The following STARD10 variants were observed in gnomAD, a reference collection of about 807,000 sequenced individuals.
The protein encoded by STARD10 is START domain-containing protein 10.
Under a neutral mutation model 36.0 loss-of-function variants are expected in STARD10, and 24 were observed. The observed-to-expected ratio is 0.67, with a 90% CI of 0.48 to 0.94. The LOEUF is 0.94. Among genes scored for constraint, STARD10 ranks in the 40% least tolerant of loss-of-function variants. The pLI, the probability that STARD10 is intolerant of heterozygous loss-of-function variation, is 0.00. For missense variants in STARD10, 335 were observed against 396.6 expected (o/e 0.84, Z 1.32); for synonymous variants, 156 against 161.9 (o/e 0.96, Z 0.28).
intron 1 of STARD10, among the ~76,000 whole-genome samples, chr11:72,792,173 C>T (rs1859153975): frequency 6.6e-6 from 1 of 151,732 alleles, no homozygotes; most frequent in South Asian, 2.1e-4. Context: ...CCCCAGCCTC[C>T]CGAGTAGCTG....
At chr11:72,755,908 C>T (rs1486378680) in intron 5 of STARD10, 155 bp from the exon 6 acceptor site, 2 of 628,280 alleles carry the variant, frequency 3.2e-6, no homozygotes, top group Non-Finnish European at 5.5e-6. Flanking sequence ...TTTACCCTCA[C>T]TCCCTTCCAC....
chr11:72,761,811 C>T (rs1041519910), intron 2 of STARD10, among the ~76,000 whole-genome samples: 68 of 151,304 alleles, frequency 4.5e-4, no homozygotes, highest in African/African-American at 1.6e-3. Context: ...ATAGAGGAAG[C>T]TCAGGAAGCA....
intron 5 of STARD10, 51 bp from the exon 6 acceptor site, chr11:72,755,804 C>T: frequency 6.5e-7 from 1 of 1,537,880 alleles, no homozygotes. Context: ...AGCCCCTCCG[C>T]CCCTGACAAA....
intron 2 of STARD10, among the ~76,000 whole-genome samples, chr11:72,774,238 G>A (rs1013393597): frequency 6.6e-6 from 1 of 152,238 alleles, no homozygotes; most frequent in African/African-American, 2.4e-5. Flanking sequence ...GGCAGCAGGA[G>A]GCAGTATATA....
intron 1 of STARD10, among the ~76,000 whole-genome samples, chr11:72,791,471 G>A (rs1212525311): frequency 6.6e-6 from 1 of 152,094 alleles, no homozygotes; most frequent in South Asian, 2.1e-4. Context: ...TTGGGAGGCC[G>A]CGAATGGATC....
At chr11:72,775,621 C>T (rs555655470) in intron 2 of STARD10, among the ~76,000 whole-genome samples, 1 of 152,162 alleles carries the variant, frequency 6.6e-6, no homozygotes, top group African/African-American at 2.4e-5. Flanking sequence ...TCCCTGACCC[C>T]CAAGGCTGAT....
chr11:72,789,969 C>T (rs1408666934), intron 1 of STARD10, among the ~76,000 whole-genome samples: 6 of 152,180 alleles, frequency 3.9e-5, no homozygotes, highest in Admixed American at 2.0e-4. Flanking sequence ...TGCTTTGCTC[C>T]CCTCCTCCAG....
At chr11:72,783,056 G>A (rs1859025341) in intron 1 of STARD10, among the ~76,000 whole-genome samples, 1 of 152,138 alleles carries the variant, frequency 6.6e-6, no homozygotes, top group African/African-American at 2.4e-5. Context: ...AGCCTCACCA[G>A]CCTAGAGCTC....
rs1041347984 is a variant in STARD10 at position 72,759,291 on chromosome 11, T to C, written c.298A>G (p.Ile100Val). The C allele has an allele frequency of 6.8e-6, 11 of 1,614,082 alleles. No individual in the cohort carries two copies. Among genetic ancestry groups the C allele is most frequent in the Non-Finnish European group, 9.3e-6 (11 of 1,180,012 alleles). Residue 100 changes from isoleucine to valine, a missense_variant, in exon 3 of 7, where the codon ATT becomes GTT. Ile to Val is a conservative substitution (Grantham distance 29). Transcript: ENST00000334805. ...AAGCGGGCGATGTCAAAAGTCTCAA[T>C]GACGTTGCTGTCCCATTTCTTGCGG... ...EYRKKWDSNVIETFDIARLTV... is the reference protein window; with the variant it reads ...EYRKKWDSNVVETFDIARLTV...
At chr11:72,761,169 A>G (rs1279691508) in intron 2 of STARD10, among the ~76,000 whole-genome samples, 1 of 152,224 alleles carries the variant, frequency 6.6e-6, no homozygotes, top group Non-Finnish European at 1.5e-5. Context: ...CAGAGGAATG[A>G]GCTAAGTGAC....
intron 2 of STARD10, among the ~76,000 whole-genome samples, chr11:72,762,179 G>A (rs1413058874): frequency 1.3e-5 from 2 of 151,926 alleles, no homozygotes; most frequent in African/African-American, 4.8e-5. Context: ...TCCCGCCTCG[G>A]CCTCCCAAAG....
At position 72,758,558 on chromosome 11, in the gene STARD10, A is replaced by G. The variant is rs1195443633; in HGVS notation, c.431T>C (p.Ile144Thr). The change falls in exon 4 of 7, where the codon ATC (isoleucine) becomes ACC (threonine). Residue 144 changes from isoleucine (I) to threonine (T), a missense_variant. By Grantham distance (89) the Ile-to-Thr change is moderately conservative (BLOSUM62 -1). Coordinates refer to ENST00000334805, the MANE Select transcript of STARD10 (RefSeq NM_006645.3). ...RSWLPMGADY[I>T]IMNYSVKHPK... The stretch of plus-strand genomic sequence containing the variant: ...ATGTTTGACTGAGTAGTTCATAATG[A>G]TGTAATCAGCGCCCATGGGGAGCCA... 2.5e-6 allele frequency: 4 copies of G among 1,613,872 alleles called. No homozygotes were observed. The highest frequency in any genetic ancestry group is 2.5e-6 in the Non-Finnish European group (3 of 1,179,960).
At chr11:72,773,627 G>T (rs148430919) in intron 2 of STARD10, among the ~76,000 whole-genome samples, 12 of 152,294 alleles carry the variant, frequency 7.9e-5, no homozygotes, top group African/African-American at 2.2e-4. Context: ...GGGTAGGAAG[G>T]GGGGAGATGG....
chr11:72,785,028 A>C (rs1271594513), intron 1 of STARD10, among the ~76,000 whole-genome samples: 1 of 152,180 alleles, frequency 6.6e-6, no homozygotes, highest in African/African-American at 2.4e-5. Flanking sequence ...AGACTCCTGC[A>C]ACCGGGGAAG....
At chr11:72,762,657 G>A (rs1032868895) in intron 2 of STARD10, among the ~76,000 whole-genome samples, 1 of 152,126 alleles carries the variant, frequency 6.6e-6, no homozygotes, top group Admixed American at 6.5e-5. Flanking sequence ...TGGAAATGGG[G>A]AGATGTCCTA....
chr11:72,782,704 C>T (rs1011263351), intron 1 of STARD10, among the ~76,000 whole-genome samples: 7 of 152,218 alleles, frequency 4.6e-5, no homozygotes, highest in African/African-American at 1.4e-4. Context: ...CACCAGCGCT[C>T]CTGCCATCCC....
chr11:72,759,462 G>A, intron 2 of STARD10, 81 bp from the exon 3 acceptor site: 1 of 1,537,104 alleles, frequency 6.5e-7, no homozygotes, highest in East Asian at 2.3e-5. Context: ...GACAGGCAGA[G>A]GGGGAGGAAG....
intron 2 of STARD10, among the ~76,000 whole-genome samples, chr11:72,773,961 C>T (rs1174063944): frequency 6.6e-6 from 1 of 152,186 alleles, no homozygotes; most frequent in African/African-American, 2.4e-5. Flanking sequence ...TGAATGAATG[C>T]ATGCATGTAT....
intron 2 of STARD10, among the ~76,000 whole-genome samples, chr11:72,777,886 G>A (rs1858946575): frequency 6.6e-6 from 1 of 152,200 alleles, no homozygotes; most frequent in African/African-American, 2.4e-5. Flanking sequence ...GCATGTCCAG[G>A]GGTCAGCTGG....
Sources: gnomAD v4.1 joint callset for allele counts (sites outside exome capture counted in the v4.1 genomes callset) on GRCh38, gnomAD v4.1.1 for gene constraint, MANE v1.5 for transcripts, NCBI Gene and HGNC (gene_info 2026-07-23, HGNC 2026-07-21) for gene names.